THSD4: variants seen among roughly 807,000 people sequenced by gnomAD.
The protein encoded by THSD4 is thrombospondin type 1 domain containing 4, also known as thrombospondin type-1 domain-containing protein 4.
THSD4 carries 69 observed loss-of-function variants against 119.0 expected under a neutral mutation model. That is an observed-to-expected ratio of 0.58 (90% CI 0.48 to 0.71). The LOEUF is 0.71. Among genes scored for constraint, THSD4 ranks in the 30% least tolerant of loss-of-function variants. The pLI, the probability that THSD4 is intolerant of heterozygous loss-of-function variation, is 0.00. For missense variants in THSD4, 1,393 were observed against 1,391.1 expected (o/e 1.00, Z -0.02); for synonymous variants, 524 against 540.4 (o/e 0.97, Z 0.42).
At chr15:71,278,553 T>A (rs1413008361) in intron 6 of THSD4, among the ~76,000 whole-genome samples, 1 of 152,092 alleles carries the variant, frequency 6.6e-6, no homozygotes, top group Non-Finnish European at 1.5e-5. Flanking sequence ...ATAAGAAAAG[T>A]TTGGGGAAAC....
At chr15:71,431,721 A>C (rs1295179968) in intron 7 of THSD4, among the ~76,000 whole-genome samples, 2 of 152,168 alleles carry the variant, frequency 1.3e-5, no homozygotes, top group African/African-American at 2.4e-5. Context: ...CTACACTGTT[A>C]CTTCCCAGAC....
intron 7 of THSD4, among the ~76,000 whole-genome samples, chr15:71,427,657 C>T (rs540171887): frequency 6.7e-6 from 1 of 149,984 alleles, no homozygotes; most frequent in Admixed American, 6.7e-5. Context: ...TTTGTGCTTG[C>T]ACCCTGCTCT....
intron 6 of THSD4, among the ~76,000 whole-genome samples, chr15:71,391,189 C>T (rs2046373029): frequency 6.6e-6 from 1 of 152,114 alleles, no homozygotes; most frequent in Non-Finnish European, 1.5e-5. Context: ...CCACCACGCC[C>T]AGCTAATTTT....
chr15:71,640,727 G>A (rs765829052), intron 7 of THSD4, among the ~76,000 whole-genome samples: 4 of 151,980 alleles, frequency 2.6e-5, no homozygotes, highest in East Asian at 1.9e-4. Flanking sequence ...GCCATGAAGC[G>A]GTCTCTGAAC....
At chr15:71,491,864 G>A (rs748435499) in intron 7 of THSD4, among the ~76,000 whole-genome samples, 37 of 151,534 alleles carry the variant, frequency 2.4e-4, no homozygotes, top group African/African-American at 7.0e-4. Flanking sequence ...GTGAGGCCCC[G>A]TCTCAAAAAA....
intron 6 of THSD4, among the ~76,000 whole-genome samples, chr15:71,287,363 T>C (rs1452302253): frequency 6.6e-6 from 1 of 152,216 alleles, no homozygotes; most frequent in Non-Finnish European, 1.5e-5. Flanking sequence ...AATAATCTTA[T>C]TATCCCATGA....
In THSD4 at chr15:71,770,246, CAAAAAAAAA is replaced by C. The variant is rs776324670; in HGVS notation, c.2770-806_2770-798del. On this transcript the variant is annotated intron_variant, in intron 16 of 17. Transcript: ENST00000261862. ...CTGGGCAACAAGAGGGAAACTCCAT[CAAAAAAAAA>C]AAAAAAAAAAAGGACTTTCTCAAAG... 4.3e-5 allele frequency among the ~76,000 whole-genome samples: 2 copies of C among 46,150 alleles called. 1 individual carries two copies. Among genetic ancestry groups the C allele is most frequent in the South Asian group, 1.9e-3 (2 of 1,052 alleles). 30.3% of individuals were successfully genotyped at this position (46,150 alleles called of 152,430 possible).
At chr15:71,124,035 G>T (rs570536751) in intron 1 of THSD4, among the ~76,000 whole-genome samples, 2 of 152,288 alleles carry the variant, frequency 1.3e-5, no homozygotes, top group South Asian at 4.1e-4. Context: ...CAAGCTGGTG[G>T]TCGTGGTTGT....
chr15:71,181,865 C>T (rs2043532671), intron 3 of THSD4, among the ~76,000 whole-genome samples: 1 of 152,188 alleles, frequency 6.6e-6, no homozygotes, highest in Admixed American at 6.5e-5. Flanking sequence ...TCACATCCCT[C>T]CATCTCTAGA....
chr15:71,552,654 T>A (rs2048950588), intron 7 of THSD4, among the ~76,000 whole-genome samples: 1 of 152,204 alleles, frequency 6.6e-6, no homozygotes, highest in African/African-American at 2.4e-5. Flanking sequence ...AATGTTTTTG[T>A]TGTTGTTGTT....
rs1332759541 is a variant in THSD4 at position 71,618,115 on chromosome 15, C to A, written c.1153-42415C>A. ...AAAACCAAGAAATATCCAAAGTGGT[C>A]TTCTGAAGAAAAGTATGATGCTCTT... On this transcript the variant is annotated intron_variant, in intron 7 of 17. Coordinates refer to ENST00000261862, the MANE Select transcript of THSD4 (RefSeq NM_024817.3). 2.6e-5 allele frequency among the ~76,000 whole-genome samples: 4 copies of A among 152,176 alleles called. No homozygotes were observed. The East Asian group carries it at 7.7e-4, about 29-fold the overall frequency.
At chr15:71,758,332 G>A (rs924557) in intron 15 of THSD4, among the ~76,000 whole-genome samples, 23,441 of 152,148 alleles carry the variant, frequency 0.15, 3,115 homozygotes, top group African/African-American at 0.35. Flanking sequence ...GCCCTCAGGG[G>A]GCTTATGGCC....
chr15:71,673,759 T>C (rs2051580847), intron 8 of THSD4, among the ~76,000 whole-genome samples: 1 of 151,914 alleles, frequency 6.6e-6, no homozygotes, highest in Non-Finnish European at 1.5e-5. Context: ...CCAGTAGTCA[T>C]TTCAGGAGCA....
At chr15:71,633,305 T>C (rs1173467234) in intron 7 of THSD4, among the ~76,000 whole-genome samples, 1 of 137,816 alleles carries the variant, frequency 7.3e-6, no homozygotes, top group African/African-American at 2.7e-5. Context: ...AGACAGGGTC[T>C]CACTCTGTTG....
chr15:71,219,354 A>T (rs1044153072), intron 4 of THSD4, among the ~76,000 whole-genome samples: 3 of 152,208 alleles, frequency 2.0e-5, no homozygotes, highest in Admixed American at 2.0e-4. Flanking sequence ...TCAAGTTTCC[A>T]TGGAAAAGAT....
At chr15:71,323,351 C>A (rs1312257988) in intron 6 of THSD4, among the ~76,000 whole-genome samples, 1 of 152,132 alleles carries the variant, frequency 6.6e-6, no homozygotes, top group Non-Finnish European at 1.5e-5. Context: ...CTGTGTCCAG[C>A]CTTGCAGGAG....
At chr15:71,323,090 C>T (rs2045290036) in intron 6 of THSD4, among the ~76,000 whole-genome samples, 2 of 136,300 alleles carry the variant, frequency 1.5e-5, no homozygotes, top group Middle Eastern at 3.7e-3. Flanking sequence ...GAGTGAGACC[C>T]TGTCTTAAAA....
At chr15:71,511,656 T>G (rs954310076) in intron 7 of THSD4, among the ~76,000 whole-genome samples, 2 of 152,246 alleles carry the variant, frequency 1.3e-5, no homozygotes, top group Non-Finnish European at 2.9e-5. Flanking sequence ...TAAGTGACTT[T>G]GATTAAGTAA....
At chr15:71,627,624 T>C (rs1252380344) in intron 7 of THSD4, among the ~76,000 whole-genome samples, 1 of 152,220 alleles carries the variant, frequency 6.6e-6, no homozygotes, top group African/African-American at 2.4e-5. Context: ...GGATCTGAGC[T>C]GGAAATGACA....
Sources: allele counts gnomAD v4.1 joint callset (sites outside exome capture counted in the v4.1 genomes callset), GRCh38; gene constraint gnomAD v4.1.1; transcripts MANE v1.5; gene names NCBI Gene and HGNC (gene_info 2026-07-23, HGNC 2026-07-21).